The following ANO5 variants were observed in gnomAD, a reference collection of about 807,000 sequenced individuals.
ANO5 encodes anoctamin 5, also known as anoctamin-5.
ANO5 carries 109 observed loss-of-function variants against 121.0 expected under a neutral mutation model. That is an observed-to-expected ratio of 0.90 (90% CI 0.77 to 1.06). ANO5 has a LOEUF of 1.06. ANO5 is among the 50% of genes least tolerant of loss of function. The pLI is 0.00. For missense variants in ANO5, 1,064 were observed against 1,078.5 expected (o/e 0.99, Z 0.19); for synonymous variants, 406 against 359.9 (o/e 1.13, Z -1.45).
At chr11:22,194,122 C>T (rs1851737906) in intron 1 of ANO5, among the ~76,000 whole-genome samples, 1 of 152,158 alleles carries the variant, frequency 6.6e-6, no homozygotes, top group Non-Finnish European at 1.5e-5. Context: ...GCTGCTGTTG[C>T]TTTTCAACAG....
At chr11:22,230,039 T>C (rs993627193) in intron 7 of ANO5, among the ~76,000 whole-genome samples, 1 of 151,972 alleles carries the variant, frequency 6.6e-6, no homozygotes, top group Admixed American at 6.6e-5. Flanking sequence ...ATATAACCCA[T>C]ATATGTGATA....
At chr11:22,225,098 T>C (rs1230808435) in intron 5 of ANO5, among the ~76,000 whole-genome samples, 1 of 151,540 alleles carries the variant, frequency 6.6e-6, no homozygotes, top group Non-Finnish European at 1.5e-5. Context: ...GTAAGTTATA[T>C]ATGTATATTT....
rs1854564032 is a variant in ANO5, at chr11:22,270,383, A to T, written c.1970A>T (p.Gln657Leu). 6.2e-7 allele frequency: 1 copy of T among 1,614,186 alleles called. No homozygotes were observed. Among genetic ancestry groups the T allele is most frequent in the Non-Finnish European group, 8.5e-7 (1 of 1,180,018 alleles). Residue 657 changes from glutamine (Q) to leucine (L), a missense_variant, in exon 18 of 22, where the codon CAG (glutamine) becomes CTG (leucine). By Grantham distance (113) the Gln-to-Leu change is moderately radical. Coordinates refer to ENST00000324559, the MANE Select transcript of ANO5 (RefSeq NM_213599.3). ...NSEKLYSRWE[Q>L]DHDLESFGPL... ...GAGAAGCTGTATAGTCGATGGGAGC[A>T]GGATCATGACCTTGAAAGTTTTGGA...
chr11:22,226,109 A>G (rs1046815059), intron 6 of ANO5, 57 bp downstream of exon 6: 1 of 1,424,812 alleles, frequency 7.0e-7, no homozygotes, highest in Non-Finnish European at 9.9e-7. Context: ...GTTTTCTCCT[A>G]CTCTGGCCTT....
Position 22,282,637 on chromosome 11 carries a change from T to G in ANO5, c.*2872T>G, listed in dbSNP as rs899703088. The G allele has an allele frequency of 2.0e-5, 3 of 152,066 alleles. No homozygotes were observed. Among genetic ancestry groups the G allele is most frequent in the Non-Finnish European group, 4.4e-5 (3 of 67,996 alleles). The allele number at this position is 152,066 out of a possible 1,614,324, so 9.4% of individuals were successfully genotyped here. On this transcript the variant is annotated 3_prime_UTR_variant, in exon 22 of 22. Coordinates refer to ENST00000324559, the MANE Select transcript of ANO5 (RefSeq NM_213599.3). ...CCAGCTGTGGTTGATAAGAGGTATA[T>G]CTCTTAAAAAAGACACCTAATGAAA...
chr11:22,201,409 G>A (rs1405375450), intron 1 of ANO5, among the ~76,000 whole-genome samples: 1 of 152,174 alleles, frequency 6.6e-6, no homozygotes, highest in African/African-American at 2.4e-5. Context: ...AGATATATCA[G>A]ATGCTTTGAA....
Position 22,222,103 on chromosome 11 carries a change from A to G in ANO5, c.294+893A>G, listed in dbSNP as rs544010186. ...AGTGATGTTTACTTTTCTTTATACAACATTTCCCTAGAGATGGGGTAAATG... is the reference window on the plus strand; with the variant it reads ...AGTGATGTTTACTTTTCTTTATACAGCATTTCCCTAGAGATGGGGTAAATG... On this transcript the variant is annotated intron_variant, in intron 5 of 21. Transcript: ENST00000324559. 1.2e-3 allele frequency among the ~76,000 whole-genome samples: 178 copies of G among 151,918 alleles called. 1 individual carries two copies. Among genetic ancestry groups the G allele is most frequent in the Non-Finnish European group, 7.4e-4 (50 of 67,850 alleles).
At chr11:22,224,219 G>A (rs1383402005) in intron 5 of ANO5, among the ~76,000 whole-genome samples, 1 of 151,636 alleles carries the variant, frequency 6.6e-6, no homozygotes, top group Non-Finnish European at 1.5e-5. Flanking sequence ...TGATGATTCT[G>A]TCTTACAGTT....
At chr11:22,216,794 C>A (rs1852460334) in intron 3 of ANO5, among the ~76,000 whole-genome samples, 1 of 151,704 alleles carries the variant, frequency 6.6e-6, no homozygotes. Flanking sequence ...CTAAGATTTT[C>A]TTCAGTTTTA....
chr11:22,274,664 GAAT>G lies in ANO5; in HGVS notation c.2336_2338del (p.Asn779del). 6.2e-7 allele frequency: 1 copy of G among 1,613,362 alleles called. No individual in the cohort carries two copies. Among genetic ancestry groups the G allele is most frequent in the African/African-American group, 1.3e-5 (1 of 74,960 alleles). ...CCACACAGCCTATGACAGGATATGT[GAAT>G]AATAGCCTGTCAGTATTCCTGATAG... On this transcript the variant is annotated inframe_deletion, in exon 20 of 22. Transcript: ENST00000324559.
At chr11:22,198,250 G>T (rs1360258209) in intron 1 of ANO5, among the ~76,000 whole-genome samples, 1 of 152,196 alleles carries the variant, frequency 6.6e-6, no homozygotes. Flanking sequence ...TCCAGAGAGG[G>T]CTGCATTCAA....
chr11:22,253,860 T>C (rs1339040951), intron 12 of ANO5, among the ~76,000 whole-genome samples: 2 of 152,076 alleles, frequency 1.3e-5, no homozygotes, highest in South Asian at 2.1e-4. Context: ...GCCAAACTTA[T>C]GGAATCAAAG....
intron 2 of ANO5, among the ~76,000 whole-genome samples, chr11:22,206,630 A>T (rs1247032072): frequency 1.3e-5 from 2 of 152,044 alleles, no homozygotes; most frequent in Admixed American, 6.6e-5. Context: ...CATTTTTTGA[A>T]AAACAATTGG....
intron 20 of ANO5, among the ~76,000 whole-genome samples, chr11:22,275,050 C>G (rs552954313): frequency 6.6e-6 from 1 of 151,930 alleles, no homozygotes; most frequent in Admixed American, 6.6e-5. Context: ...TTGTCACCAA[C>G]AAGTGCCCCT....
At chr11:22,250,500 A>G in intron 10 of ANO5, 129 bp downstream of exon 10, 1 of 1,331,130 alleles carries the variant, frequency 7.5e-7, no homozygotes, top group South Asian at 1.3e-5. Flanking sequence ...GATATTTTCC[A>G]AAAACTACTC....
chr11:22,221,702 C>T (rs1390334696), intron 5 of ANO5, among the ~76,000 whole-genome samples: 2 of 151,768 alleles, frequency 1.3e-5, no homozygotes, highest in Admixed American at 6.6e-5. Flanking sequence ...TTTATGAGGC[C>T]AAGCACTTTG....
upstream of ANO5, chr11:22,192,923 G>A: frequency 1.1e-6 from 1 of 949,092 alleles, no homozygotes; most frequent in South Asian, 4.9e-5. Context: ...CGGCTTGAGC[G>A]GAGAGGAGGG....
chr11:22,262,275 T>C lies in ANO5; in HGVS notation c.1777T>C (p.Phe593Leu), dbSNP rs1854214844. ...VGYPGKYTYL[F>L]NEWRSEECDP... ...CTATCCTGGAAAATACACATATTTATTTAATGAGTGGAGAAGTGAAGAGGT... is the reference window on the plus strand; with the variant it reads ...CTATCCTGGAAAATACACATATTTACTTAATGAGTGGAGAAGTGAAGAGGT... Residue 593 changes from phenylalanine to leucine, a missense_variant, in exon 16 of 22, where the codon TTT becomes CTT. By Grantham distance (22) the Phe-to-Leu change is conservative. Transcript: ENST00000324559. The C allele has an allele frequency of 6.2e-7, 1 of 1,613,818 alleles. No homozygotes were observed. Among genetic ancestry groups the C allele is most frequent in the South Asian group, 1.1e-5 (1 of 91,082 alleles).
intron 3 of ANO5, among the ~76,000 whole-genome samples, chr11:22,215,364 T>A (rs1198734009): frequency 6.6e-6 from 1 of 151,994 alleles, no homozygotes; most frequent in Non-Finnish European, 1.5e-5. Context: ...TATTTAGATA[T>A]TATCACCTTA....
Sources: allele counts gnomAD v4.1 joint callset (sites outside exome capture counted in the v4.1 genomes callset), GRCh38; gene constraint gnomAD v4.1.1; transcripts MANE v1.5; gene names NCBI Gene and HGNC (gene_info 2026-07-23, HGNC 2026-07-21).